The following COL8A1 variants were observed in gnomAD, a reference collection of about 807,000 sequenced individuals.
The protein encoded by COL8A1 is collagen type VIII alpha 1 chain.
A neutral mutation model predicts 42.7 loss-of-function variants in COL8A1; 21 were observed. The ratio of observed to expected loss-of-function variants is 0.49; its 90% CI spans 0.35 to 0.71. The LOEUF is 0.71. Among genes scored for constraint, COL8A1 ranks in the 30% least tolerant of loss-of-function variants. COL8A1 has a pLI of 0.01. For synonymous variants in COL8A1, 367 were observed against 369.1 expected (o/e 0.99, Z 0.06); for missense variants, 788 against 962.4 (o/e 0.82, Z 2.40).
chr3:99,673,283 A>G (rs1938599513), intron 1 of COL8A1, among the ~76,000 whole-genome samples: 2 of 152,114 alleles, frequency 1.3e-5, no homozygotes, highest in African/African-American at 4.8e-5. Context: ...ATAGCTCAGT[A>G]TCACTTACTT....
intron 1 of COL8A1, among the ~76,000 whole-genome samples, chr3:99,726,322 T>G (rs954492779): frequency 6.1e-4 from 93 of 151,760 alleles, no homozygotes; most frequent in Non-Finnish European, 1.1e-3. Context: ...CCCTTTGTCA[T>G]ATGAGTAGGT....
chr3:99,782,236 A>AG, intron 2 of COL8A1, among the ~76,000 whole-genome samples: 1 of 152,236 alleles, frequency 6.6e-6, no homozygotes. Flanking sequence ...GGAATATTTA[A>AG]GGGGGGTAGG....
intron 1 of COL8A1, among the ~76,000 whole-genome samples, chr3:99,666,984 T>A (rs9849129): frequency 0.034 from 5,218 of 152,278 alleles, 145 homozygotes; most frequent in East Asian, 0.063. Context: ...GAGCATTTAT[T>A]ATATGTTATT....
chr3:99,656,120 A>G (rs1311163154), intron 1 of COL8A1, among the ~76,000 whole-genome samples: 2 of 152,220 alleles, frequency 1.3e-5, no homozygotes, highest in East Asian at 1.9e-4. Context: ...TTAAGTATAT[A>G]TCAAAAGAAG....
At chr3:99,725,359 C>A (rs938260512) in intron 1 of COL8A1, among the ~76,000 whole-genome samples, 1 of 151,912 alleles carries the variant, frequency 6.6e-6, no homozygotes. Context: ...CTGAAAGAAG[C>A]AGCACATCAT....
intron 2 of COL8A1, among the ~76,000 whole-genome samples, chr3:99,751,701 T>C (rs1401564654): frequency 6.6e-6 from 1 of 152,222 alleles, no homozygotes; most frequent in African/African-American, 2.4e-5. Context: ...GAATTTTTAG[T>C]TTGGTTGTGG....
intron 2 of COL8A1, among the ~76,000 whole-genome samples, chr3:99,750,205 C>A (rs537284828): frequency 6.6e-6 from 1 of 151,716 alleles, no homozygotes; most frequent in African/African-American, 2.4e-5. Context: ...TACAGGTGCA[C>A]ACCACCACAC....
chr3:99,686,061 A>G (rs974351305), intron 1 of COL8A1, among the ~76,000 whole-genome samples: 2 of 152,192 alleles, frequency 1.3e-5, no homozygotes, highest in African/African-American at 4.8e-5. Context: ...AATCATTGTA[A>G]TCAATTGTAA....
intron 2 of COL8A1, among the ~76,000 whole-genome samples, chr3:99,779,143 AC>A (rs1394575108): frequency 6.6e-6 from 1 of 152,240 alleles, no homozygotes; most frequent in Non-Finnish European, 1.5e-5. Context: ...ATGTGAGGAT[AC>A]TACTTTTCAC....
Position 99,726,906 on chromosome 3 carries a change from G to A in COL8A1, c.-128-17991G>A, listed in dbSNP as rs1365992971. The stretch of plus-strand genomic sequence containing the variant: ...ACTTGGCGATGCGGGCTCTTTTTTG[G>A]TTCCACATGAATTTTAAAGTAGTTT... On this transcript the variant is annotated intron_variant, in intron 1 of 3. Coordinates refer to ENST00000652472, the MANE Select transcript of COL8A1 (RefSeq NM_020351.4). 2.0e-5 allele frequency among the ~76,000 whole-genome samples: 3 copies of A among 152,038 alleles called. 1 individual carries two copies. The highest frequency in any genetic ancestry group is 4.1e-4 in the South Asian group (2 of 4,822).
At chr3:99,782,353 A>G (rs1283846319) in intron 2 of COL8A1, among the ~76,000 whole-genome samples, 1 of 152,126 alleles carries the variant, frequency 6.6e-6, no homozygotes, top group East Asian at 1.9e-4. Context: ...TCTGACATAC[A>G]AAGGCTTGAG....
intron 1 of COL8A1, among the ~76,000 whole-genome samples, chr3:99,642,316 G>A (rs1269047628): frequency 6.6e-6 from 1 of 152,150 alleles, no homozygotes; most frequent in African/African-American, 2.4e-5. Context: ...GGGGTTAAAG[G>A]GAGTCACACA....
At chr3:99,728,441 A>T (rs1033150116) in intron 1 of COL8A1, among the ~76,000 whole-genome samples, 2 of 152,024 alleles carry the variant, frequency 1.3e-5, no homozygotes, top group Non-Finnish European at 2.9e-5. Context: ...GCAAGTGACT[A>T]CCAAAATACA....
chr3:99,781,112 G>A (rs984106002), intron 2 of COL8A1, among the ~76,000 whole-genome samples: 1 of 152,194 alleles, frequency 6.6e-6, no homozygotes, highest in Non-Finnish European at 1.5e-5. Flanking sequence ...TAAATTCATT[G>A]TTGGGAACAG....
At chr3:99,711,046 G>A (rs1205263889) in intron 1 of COL8A1, among the ~76,000 whole-genome samples, 2 of 152,160 alleles carry the variant, frequency 1.3e-5, no homozygotes, top group African/African-American at 4.8e-5. Flanking sequence ...ACTATAAATG[G>A]TGGAGGAGAG....
intron 1 of COL8A1, among the ~76,000 whole-genome samples, chr3:99,714,191 G>A (rs1426332393): frequency 6.6e-6 from 1 of 152,038 alleles, no homozygotes; most frequent in African/African-American, 2.4e-5. Context: ...CACAATTGTG[G>A]CTGTAATGCA....
intron 1 of COL8A1, among the ~76,000 whole-genome samples, chr3:99,654,121 G>T (rs919661482): frequency 6.6e-6 from 1 of 152,094 alleles, no homozygotes; most frequent in African/African-American, 2.4e-5. Context: ...AATGTTTGAG[G>T]GCAGAAAGCA....
intron 2 of COL8A1, among the ~76,000 whole-genome samples, chr3:99,751,254 A>T (rs1941142628): frequency 6.6e-6 from 1 of 152,162 alleles, no homozygotes; most frequent in Admixed American, 6.5e-5. Context: ...AGAAAGTAGG[A>T]ACAGAAAATT....
intron 1 of COL8A1, among the ~76,000 whole-genome samples, chr3:99,731,224 TAA>T (rs1940499346): frequency 6.6e-6 from 1 of 152,082 alleles, no homozygotes; most frequent in Non-Finnish European, 1.5e-5. Flanking sequence ...TAAATATATA[TAA>T]AAATGAGTGC....
Sources: allele counts gnomAD v4.1 joint callset (sites outside exome capture counted in the v4.1 genomes callset), GRCh38; gene constraint gnomAD v4.1.1; transcripts MANE v1.5; gene names NCBI Gene and HGNC (gene_info 2026-07-23, HGNC 2026-07-21).